The following TMIGD2 variants were observed in gnomAD, a reference collection of about 807,000 sequenced individuals.
The protein encoded by TMIGD2 is transmembrane and immunoglobulin domain containing 2, also known as transmembrane and immunoglobulin domain-containing protein 2.
TMIGD2 carries 18 observed loss-of-function variants against 22.6 expected under a neutral mutation model. That is an observed-to-expected ratio of 0.80 (90% CI 0.55 to 1.18). The LOEUF is 1.18. TMIGD2 is among the 50% of genes most tolerant of loss of function. The pLI, the probability that TMIGD2 is intolerant of heterozygous loss-of-function variation, is 0.00. For synonymous variants in TMIGD2, 184 were observed against 154.1 expected, an observed-to-expected ratio of 1.19 and a Z score of -1.44; for missense variants, 361 against 378.2, an observed-to-expected ratio of 0.95 and a Z score of 0.38.
intron 4 of TMIGD2, among the ~76,000 whole-genome samples, chr19:4,293,867 T>C (rs1350297231): frequency 1.3e-5 from 2 of 151,924 alleles, no homozygotes; most frequent in African/African-American, 4.8e-5. Context: ...GTTCCAGTGA[T>C]TCTCCTGCCT....
chr19:4,299,658 C>T (rs1042603950), intron 1 of TMIGD2, among the ~76,000 whole-genome samples: 2 of 151,580 alleles, frequency 1.3e-5, no homozygotes, highest in East Asian at 3.9e-4. Context: ...AAGTCAAGGC[C>T]GGTGGATCAC....
At chr19:4,294,727 G>A (rs756807754) in intron 3 of TMIGD2, 47 bp from the exon 4 acceptor site, 2 of 1,571,078 alleles carry the variant, frequency 1.3e-6, no homozygotes, top group East Asian at 2.3e-5. Context: ...GGAAGGGGTG[G>A]TGATGCGGGT....
At chr19:4,297,408 C>T (rs527935576) in intron 2 of TMIGD2, among the ~76,000 whole-genome samples, 3 of 140,800 alleles carry the variant, frequency 2.1e-5, no homozygotes, top group South Asian at 2.3e-4. Flanking sequence ...CTCGCTCTGT[C>T]GCCCAGGCTG....
chr19:4,292,906 C>G (rs754506385), intron 4 of TMIGD2, 21 bp from the exon 5 acceptor site: 5 of 1,612,506 alleles, frequency 3.1e-6, no homozygotes, highest in Non-Finnish European at 3.4e-6. Context: ...TGACACAGAC[C>G]AAGAGGATCA....
At chr19:4,297,196 T>G (rs1971472715) in intron 2 of TMIGD2, among the ~76,000 whole-genome samples, 1 of 144,226 alleles carries the variant, frequency 6.9e-6, no homozygotes, top group African/African-American at 2.6e-5. Flanking sequence ...GCCTCCTGAG[T>G]AGCTGGAATT....
chr19:4,294,907 C>T lies in TMIGD2; in HGVS notation c.407-91G>A, dbSNP rs1004794197. 19 of 1,289,518 alleles carry T rather than the reference C, an allele frequency of 1.5e-5. No homozygotes were observed. In the African/African-American group the frequency reaches 2.6e-4, roughly 18 times the overall value. 79.9% of individuals were successfully genotyped at this position (1,289,518 alleles called of 1,614,324 possible). On this transcript the variant is annotated intron_variant, in intron 2 of 4. Coordinates refer to ENST00000301272, the Ensembl canonical transcript of TMIGD2. ...TTGGGGGGACCTAAGTGTTCCTCCT[C>T]CTGCCAGGCTTTGTGGATTTGGGCA...
chr19:4,301,629 C>G (rs1971537764), intron 1 of TMIGD2, among the ~76,000 whole-genome samples: 1 of 152,208 alleles, frequency 6.6e-6, no homozygotes, highest in African/African-American at 2.4e-5. Context: ...GAGATCGCGT[C>G]ACTGCACTCT....
At chr19:4,293,912 C>G (rs1011646566) in intron 4 of TMIGD2, among the ~76,000 whole-genome samples, 1 of 151,724 alleles carries the variant, frequency 6.6e-6, no homozygotes, top group Non-Finnish European at 1.5e-5. Context: ...CAGGCACAGG[C>G]CACCACGCCT....
intron 1 of TMIGD2, among the ~76,000 whole-genome samples, chr19:4,298,795 G>C (rs1971497967): frequency 6.6e-6 from 1 of 152,092 alleles, no homozygotes; most frequent in South Asian, 2.1e-4. Context: ...CCTTTGGAAG[G>C]TCATGTCTTG....
intron 1 of TMIGD2, among the ~76,000 whole-genome samples, chr19:4,298,807 T>A (rs1399303072): frequency 6.6e-6 from 1 of 152,122 alleles, no homozygotes; most frequent in Admixed American, 6.6e-5. Flanking sequence ...CATGTCTTGC[T>A]GAGGCTCAAC....
At chr19:4,294,883 T>TG (rs1268568916) in intron 2 of TMIGD2, 67 bp from the exon 3 acceptor site, 3 of 1,449,084 alleles carry the variant, frequency 2.1e-6, no homozygotes, top group Non-Finnish European at 2.7e-6. Flanking sequence ...AGAGCTCACT[T>TG]GGGGGGACCT....
intron 1 of TMIGD2, among the ~76,000 whole-genome samples, chr19:4,301,007 C>G (rs1262086335): frequency 2.0e-5 from 3 of 152,178 alleles, no homozygotes; most frequent in Non-Finnish European, 4.4e-5. Context: ...GGGTCTCACT[C>G]TGTTGCCCAG....
intron 4 of TMIGD2, among the ~76,000 whole-genome samples, chr19:4,293,855 G>A (rs1971420645): frequency 1.3e-5 from 2 of 151,718 alleles, no homozygotes. Flanking sequence ...TCTGCCTCCT[G>A]GGTTCCAGTG....
rs757906650 is a variant in TMIGD2 at position 4,298,335 on chromosome 19, T to G, written c.57A>C (p.Glu19Asp). 2 of 1,577,122 alleles carry G rather than the reference T, an allele frequency of 1.3e-6. No homozygotes were observed. The highest frequency in any genetic ancestry group is 4.5e-5 in the East Asian group (2 of 44,478). Reference sequence around the variant, plus strand: ...CCTGCTGCACGCTCAGGCTTGAGGCTTCTTGCAGGGCTGGAGGACAGAAGA... The same window carrying G: ...CCTGCTGCACGCTCAGGCTTGAGGCGTCTTGCAGGGCTGGAGGACAGAAGA... The change falls in exon 2 of 5, where the codon GAA becomes GAC. Residue 19 changes from glutamate (E) to aspartate (D), a missense_variant. Glu to Asp is a conservative substitution (Grantham distance 45). Coordinates refer to ENST00000301272, the Ensembl canonical transcript of TMIGD2.
chr19:4,300,334 G>A (rs563254972), intron 1 of TMIGD2, among the ~76,000 whole-genome samples: 4 of 150,584 alleles, frequency 2.7e-5, no homozygotes, highest in South Asian at 2.1e-4. Context: ...AGAGGCGGGC[G>A]GATCACGAGG....
intron 1 of TMIGD2, among the ~76,000 whole-genome samples, chr19:4,301,532 C>A (rs1444062764): frequency 6.6e-6 from 1 of 152,152 alleles, no homozygotes; most frequent in African/African-American, 2.4e-5. Context: ...TAGCCAGGCG[C>A]AGTGGCGCGC....
chr19:4,302,364 G>C (rs777947398), exon 1 of TMIGD2: 2 of 1,573,296 alleles, frequency 1.3e-6, no homozygotes, highest in African/African-American at 2.7e-5. Flanking sequence ...AGGAGGCCCA[G>C]CACCATGCCC....
chr19:4,296,600 C>T (rs1329519125), intron 2 of TMIGD2, among the ~76,000 whole-genome samples: 4 of 152,190 alleles, frequency 2.6e-5, no homozygotes, highest in African/African-American at 7.2e-5. Flanking sequence ...CACAGCCTGG[C>T]GCCTCCACCA....
rs141859211 is a variant in TMIGD2, at chr19:4,293,417, C to G, written c.563-532G>C. 2.3e-3 allele frequency among the ~76,000 whole-genome samples: 339 copies of G among 149,688 alleles called. 2 individuals are homozygous for G. Among genetic ancestry groups the G allele is most frequent in the South Asian group, 0.018 (85 of 4,744 alleles). ...CTGGGATTACAAGCCCCCGCTACTACGTCTGGCTAATTTTTTGTATTTTTA... is the reference window on the plus strand; with the variant it reads ...CTGGGATTACAAGCCCCCGCTACTAGGTCTGGCTAATTTTTTGTATTTTTA... On this transcript the variant is annotated intron_variant, in intron 4 of 4. Transcript: ENST00000301272.
Sources: gnomAD v4.1 joint callset for allele counts (sites outside exome capture counted in the v4.1 genomes callset) on GRCh38, gnomAD v4.1.1 for gene constraint, MANE v1.5 for transcripts, NCBI Gene and HGNC (gene_info 2026-07-23, HGNC 2026-07-21) for gene names.